The following STPG3 variants were observed in gnomAD, a reference collection of about 807,000 sequenced individuals.
The protein encoded by STPG3 is sperm-tail PG-rich repeat containing 3, also known as protein STPG3.
Under a neutral mutation model 32.5 loss-of-function variants are expected in STPG3, and 39 were observed. The observed-to-expected ratio is 1.20, with a 90% CI of 0.93 to 1.57. The LOEUF (loss-of-function observed/expected upper bound fraction) is 1.57. STPG3 is among the 40% of genes most tolerant of loss of function. The pLI is 0.00. For missense variants in STPG3, 507 were observed against 407.6 expected (o/e 1.24, Z -2.10); for synonymous variants, 209 against 172.4 (o/e 1.21, Z -1.66).
intron 3 of STPG3, 140 bp from the exon 4 acceptor site, chr9:137,252,297 G>A (rs965132514): frequency 9.1e-6 from 12 of 1,324,434 alleles, no homozygotes; most frequent in Non-Finnish European, 1.3e-5. Context: ...GGAGAGAGGA[G>A]GGCTAGGGCT....
chr9:137,251,384 C>T lies in STPG3; in HGVS notation c.98C>T (p.Pro33Leu). The change falls in exon 1 of 6, where the codon CCA becomes CTA. Residue 33 changes from proline to leucine, a missense_variant. Physicochemically the swap from Pro to Leu is moderately conservative, Grantham distance 98. Coordinates refer to ENST00000412566, the MANE Select transcript of STPG3 (RefSeq NM_001004353.4). The stretch of plus-strand genomic sequence containing the variant: ...CATGGTCACCTGAGGCAGACACAAC[C>T]AGAGCCCACCCAGTAACTGGCGGAG... The part of the protein sequence containing the change: ...WTHGHLRQTQ[P>L]EPTQPKASVL... The T allele has an allele frequency of 6.2e-7, 1 of 1,612,144 alleles. No homozygotes were observed. Among genetic ancestry groups the T allele is most frequent in the Non-Finnish European group, 8.5e-7 (1 of 1,178,736 alleles).
In STPG3 at chr9:137,251,727, C is replaced by T. The variant is rs1049358165; in HGVS notation, c.111-11C>T. 1.6e-5 allele frequency: 25 copies of T among 1,556,526 alleles called. No individual in the cohort carries two copies. The highest frequency in any genetic ancestry group is 3.5e-5 in the South Asian group (3 of 84,644). On this transcript the variant is annotated splice_polypyrimidine_tract_variant and intron_variant, in intron 1 of 5. Coordinates refer to ENST00000412566, the MANE Select transcript of STPG3 (RefSeq NM_001004353.4). ...GGGGGCTGAGACAGTGGCTGCTGGT[C>T]TCCCTTGCAGGCCCAAGGCATCTGT...
At position 137,252,842 on chromosome 9, in the gene STPG3, C is replaced by A; in HGVS notation, c.673C>A (p.Pro225Thr). The A allele has an allele frequency of 6.4e-7, 1 of 1,574,550 alleles. No homozygotes were observed. The highest frequency in any genetic ancestry group is 8.6e-7 in the Non-Finnish European group (1 of 1,160,668). Reference sequence around the variant, plus strand: ...CCTGCTTCAGGCCTCTTTGCAGGCACCTGGCAAGAGATGCCCTGGCCCCAA... The same window carrying A: ...CCTGCTTCAGGCCTCTTTGCAGGCAACTGGCAAGAGATGCCCTGGCCCCAA... ...QSLLQASLQA[P>T]GKRCPGPNTY... Residue 225 changes from proline (P) to threonine (T), a missense_variant, in exon 5 of 6, where the codon CCT (proline) becomes ACT (threonine). Transcript: ENST00000412566.
chr9:137,252,784 T>C lies in STPG3; in HGVS notation c.615T>C (p.Ala205=). 1 of 1,562,484 alleles carries C rather than the reference T, an allele frequency of 6.4e-7. No individual in the cohort carries two copies. The highest frequency in any genetic ancestry group is 8.7e-7 in the Non-Finnish European group (1 of 1,154,140). ...EGHTHLGLPG[A]RGLGLRVQPQ... is the part of the protein sequence containing the mutation. ...ACACCCACCTAGGGCTGCCTGGGGCTAGGGGGCTGGGCCTCAGGGTGCAGC... is the reference window on the plus strand; with the variant it reads ...ACACCCACCTAGGGCTGCCTGGGGCCAGGGGGCTGGGCCTCAGGGTGCAGC... Residue 205 remains alanine, a synonymous_variant, in exon 5 of 6, where the codon GCT becomes GCC. Transcript: ENST00000412566.
At position 137,252,925 on chromosome 9, in the gene STPG3, G is replaced by T. The variant is rs762529777; in HGVS notation, c.756G>T (p.Ser252=). 5 of 1,600,152 alleles carry T rather than the reference G, an allele frequency of 3.1e-6. No homozygotes were observed. The highest frequency in any genetic ancestry group is 1.3e-5 in the African/African-American group (1 of 74,612). Reference sequence around the variant, plus strand: ...AGAGCCCCCGCTCGCCGGCCTTCTCGATGAGCCGCTCCCCTGCGTTCACCT... The same window carrying T: ...AGAGCCCCCGCTCGCCGGCCTTCTCTATGAGCCGCTCCCCTGCGTTCACCT... ...RLQSPRSPAF[S]MSRSPAFTSW... is the part of the protein sequence containing the mutation. The change falls in exon 5 of 6, where the codon TCG becomes TCT. Residue 252 remains serine, a synonymous_variant. Transcript: ENST00000412566.
Position 137,251,850 on chromosome 9 carries a change from C to T in STPG3, c.223C>T (p.Pro75Ser), listed in dbSNP as rs757085906. The T allele has an allele frequency of 4.4e-6, 7 of 1,607,694 alleles. No individual in the cohort carries two copies. The highest frequency in any genetic ancestry group is 3.3e-5 in the South Asian group (3 of 89,944). Residue 75 changes from proline to serine, a missense_variant, in exon 2 of 6, where the codon CCC (proline) becomes TCC (serine). Physicochemically the swap from Pro to Ser is moderately conservative, Grantham distance 74. Transcript: ENST00000412566. ...PVGLRLQTGT[P>S]QESLPTYTQT... ...TGGCCTCAGGTTACAGACGGGCACC[C>T]CCCAGGAGTCCCTGCCCACCTACAC...
At position 137,252,708 on chromosome 9, in the gene STPG3, C is replaced by A. The variant is rs758261026; in HGVS notation, c.539C>A (p.Pro180His). The part of the protein sequence containing the change: ...HYQLLSRPAF[P>H]AFSFRGCHSA... Reference sequence around the variant, plus strand: ...CAGCTGCTCAGCCGGCCCGCCTTCCCCGCCTTCAGCTTCAGAGGCTGCCAC... The same window carrying A: ...CAGCTGCTCAGCCGGCCCGCCTTCCACGCCTTCAGCTTCAGAGGCTGCCAC... The change falls in exon 5 of 6, where the codon CCC becomes CAC. Residue 180 changes from proline to histidine, a missense_variant. Pro to His is a moderately conservative substitution (Grantham distance 77, BLOSUM62 -2). Transcript: ENST00000412566. 1 of 1,552,936 alleles carries A rather than the reference C, an allele frequency of 6.4e-7. No homozygotes were observed. The highest frequency in any genetic ancestry group is 1.2e-5 in the South Asian group (1 of 84,288).
chr9:137,252,316 G>A (rs912868505), intron 3 of STPG3, 121 bp from the exon 4 acceptor site: 33 of 1,322,406 alleles, frequency 2.5e-5, no homozygotes, highest in African/African-American at 2.3e-4. Context: ...CTGGGGCATG[G>A]GTGGACATTG....
intron 5 of STPG3, 27 bp from the exon 6 acceptor site, chr9:137,253,088 G>A: frequency 6.5e-7 from 1 of 1,545,198 alleles, no homozygotes; most frequent in Non-Finnish European, 8.8e-7. Context: ...CTACCTGGGT[G>A]GGGCTCCCAG....
chr9:137,252,886 T>A lies in STPG3; in HGVS notation c.717T>A (p.Pro239=). 6.3e-7 allele frequency: 1 copy of A among 1,594,560 alleles called. No homozygotes were observed. The highest frequency in any genetic ancestry group is 8.5e-7 in the Non-Finnish European group (1 of 1,171,460). ...CPGPNTYNIL[P]GSRLQSPRSP... The stretch of plus-strand genomic sequence containing the variant: ...GCCCCAACACCTACAATATCCTTCC[T>A]GGGAGCCGCCTGCAGAGCCCCCGCT... Residue 239 remains proline, a synonymous_variant, in exon 5 of 6, where the codon CCT becomes CCA. Coordinates refer to ENST00000412566, the MANE Select transcript of STPG3 (RefSeq NM_001004353.4).
chr9:137,252,409 C>T (rs374699764), intron 3 of STPG3, 28 bp from the exon 4 acceptor site: 6 of 1,600,906 alleles, frequency 3.7e-6, no homozygotes, highest in Non-Finnish European at 5.1e-6. Flanking sequence ...GGCTCCCAGC[C>T]TTCTCTCTCT....
In STPG3 at chr9:137,251,865, C is replaced by A; in HGVS notation, c.238C>A (p.Pro80Thr). The stretch of plus-strand genomic sequence containing the variant: ...GACGGGCACCCCCCAGGAGTCCCTG[C>A]CCACCTACACCCAGACCCTGAGGGA... ...LQTGTPQESLPTYTQTLRELL... is the reference protein window; with the variant it reads ...LQTGTPQESLTTYTQTLRELL... The change falls in exon 2 of 6, where the codon CCC becomes ACC. Residue 80 changes from proline to threonine, a missense_variant. Transcript: ENST00000412566. 1 of 1,608,164 alleles carries A rather than the reference C, an allele frequency of 6.2e-7. No homozygotes were observed. The highest frequency in any genetic ancestry group is 8.5e-7 in the Non-Finnish European group (1 of 1,177,436).
chr9:137,252,138 G>A lies in STPG3; in HGVS notation c.403+3G>A, dbSNP rs201819623. 3.7e-6 allele frequency: 6 copies of A among 1,604,676 alleles called. No individual in the cohort carries two copies. The highest frequency in any genetic ancestry group is 2.7e-5 in the African/African-American group (2 of 74,810). ...CGGCTGCAAGCACCAGGGCCGAGGTGTGTGTCCCCTCCCTGAGGCCCAACC... is the reference window on the plus strand; with the variant it reads ...CGGCTGCAAGCACCAGGGCCGAGGTATGTGTCCCCTCCCTGAGGCCCAACC... On this transcript the variant is annotated splice_donor_region_variant and intron_variant, in intron 3 of 5. Transcript: ENST00000412566.
intron 2 of STPG3, 43 bp downstream of exon 2, chr9:137,251,938 G>T (rs755109847): frequency 6.3e-7 from 1 of 1,595,910 alleles, no homozygotes; most frequent in South Asian, 1.1e-5. Context: ...GCTGGTCTTT[G>T]GGGGGCTGTG....
In STPG3 at chr9:137,251,307, G is replaced by A. The variant is rs1423152227; in HGVS notation, c.21G>A (p.Lys7=). The change falls in exon 1 of 6, where the codon AAG becomes AAA. Residue 7 remains lysine, a synonymous_variant. Coordinates refer to ENST00000412566, the MANE Select transcript of STPG3 (RefSeq NM_001004353.4). The part of the protein sequence containing the change: MMNSDQ[K]AVKFLANFYI... ...CTCTGATGATGAATTCTGACCAGAAGGCAGTGAAATTCCTGGCAAATTTTT... is the reference window on the plus strand; with the variant it reads ...CTCTGATGATGAATTCTGACCAGAAAGCAGTGAAATTCCTGGCAAATTTTT... The A allele has an allele frequency of 4.3e-6, 7 of 1,612,886 alleles. No individual in the cohort carries two copies. The highest frequency in any genetic ancestry group is 1.6e-4 in the Middle Eastern group (1 of 6,084).
Position 137,253,433 on chromosome 9 carries a change from C to T in STPG3, c.*188C>T, listed in dbSNP as rs887447504. The T allele has an allele frequency of 2.8e-6, 4 of 1,441,570 alleles. No individual in the cohort carries two copies. The highest frequency in any genetic ancestry group is 1.5e-5 in the South Asian group (1 of 68,906). The allele number at this position is 1,441,570 out of a possible 1,614,324, so 89.3% of individuals were successfully genotyped here. On this transcript the variant is annotated 3_prime_UTR_variant, in exon 6 of 6. Coordinates refer to ENST00000412566, the MANE Select transcript of STPG3 (RefSeq NM_001004353.4). ...TGGACAAGGCTGGCCCAGCCTGGAT[C>T]CCCCATCTGCCCATCTCCCCGCTAC...
At chr9:137,253,005 T>C in intron 5 of STPG3, 40 bp downstream of exon 5, 1 of 1,530,558 alleles carries the variant, frequency 6.5e-7, no homozygotes, top group South Asian at 1.2e-5. Context: ...GGATGGGGCA[T>C]GGGTGGGCAA....
At position 137,253,152 on chromosome 9, in the gene STPG3, C is replaced by G. The variant is rs1382476547; in HGVS notation, c.834C>G (p.Asp278Glu). The G allele has an allele frequency of 6.3e-7, 1 of 1,599,450 alleles. No homozygotes were observed. The highest frequency in any genetic ancestry group is 1.7e-4 in the Middle Eastern group (1 of 6,006). The change falls in exon 6 of 6, where the codon GAC becomes GAG. Residue 278 changes from aspartate (D) to glutamate (E), a missense_variant. Physicochemically the swap from Asp to Glu is conservative, Grantham distance 45 (BLOSUM62 2). Coordinates refer to ENST00000412566, the MANE Select transcript of STPG3 (RefSeq NM_001004353.4). ...TPGPAAYHVE[D>E]CNSRFPSAPG... ...GCCCAGCCGCCTACCACGTGGAGGA[C>G]TGCAACTCACGCTTCCCTTCGGCGC...
At chr9:137,253,018 T>C in intron 5 of STPG3, 53 bp downstream of exon 5, 1 of 1,486,960 alleles carries the variant, frequency 6.7e-7, no homozygotes, top group South Asian at 1.3e-5. Context: ...GTGGGCAATG[T>C]GAGGACAAGG....
Sources: allele counts gnomAD v4.1 joint callset, GRCh38; gene constraint gnomAD v4.1.1; transcripts MANE v1.5; gene names NCBI Gene and HGNC (gene_info 2026-07-23, HGNC 2026-07-21).